The following USP50 variants were observed in gnomAD, a reference collection of about 807,000 sequenced individuals.
The protein encoded by USP50 is ubiquitin specific peptidase 50.
Under a neutral mutation model 39.2 loss-of-function variants are expected in USP50, and 37 were observed. The ratio of observed to expected loss-of-function variants is 0.94; its 90% CI spans 0.73 to 1.24. USP50 has a LOEUF of 1.24. USP50 is among the 50% of genes most tolerant of loss of function. The pLI is 0.00. For synonymous variants in USP50, 139 were observed against 144.5 expected, an observed-to-expected ratio of 0.96 and a Z score of 0.27; for missense variants, 374 against 398.2, an observed-to-expected ratio of 0.94 and a Z score of 0.52.
rs1044991436 is a variant in USP50, at chr15:50,536,690, A to G, written c.803+2019T>C. Among the ~76,000 whole-genome samples the G allele has an allele frequency of 2.6e-5, 4 of 152,272 alleles. No homozygotes were observed. The East Asian group carries it at 5.8e-4, about 22-fold the overall frequency. ...ATGAATTAAAAAAAAACACAATACC[A>G]TTCACATTAGCACCCTCAAAAATGA... On this transcript the variant is annotated intron_variant, in intron 5 of 6. Transcript: ENST00000532404.
chr15:50,529,675 G>T, intron 6 of USP50, 122 bp downstream of exon 6: 2 of 1,077,076 alleles, frequency 1.9e-6, no homozygotes, highest in African/African-American at 1.6e-5. Flanking sequence ...AGAGTTTCCT[G>T]GTCTATATTT....
rs779487072 is a variant in USP50, at chr15:50,543,811, A to T, written c.249-18T>A. On this transcript the variant is annotated intron_variant, in intron 2 of 6. Coordinates refer to ENST00000532404, the MANE Select transcript of USP50 (RefSeq NM_203494.5). Reference sequence around the variant, plus strand: ...TGCAATCGCTTGGAAGAAGAAAGGGATATGTTTCTGGCTGATTTAATGAAA... The same window carrying T: ...TGCAATCGCTTGGAAGAAGAAAGGGTTATGTTTCTGGCTGATTTAATGAAA... The T allele has an allele frequency of 8.1e-6, 13 of 1,598,064 alleles. No homozygotes were observed. In the Admixed American group the frequency reaches 2.3e-4, roughly 28 times the overall value.
At chr15:50,494,396 A>C in intron 1 of USP50, 1 of 813,560 alleles carries the variant, frequency 1.2e-6, no homozygotes, top group Non-Finnish European at 1.9e-6. Flanking sequence ...GTTTATTCAA[A>C]TAGTGACTGT....
intron 6 of USP50, chr15:50,507,358 C>G (rs1459630958): frequency 6.6e-6 from 1 of 152,206 alleles, no homozygotes; most frequent in African/African-American, 2.4e-5. Context: ...AGGTGTATTT[C>G]CCTTGAGCAT....
At position 50,522,207 on chromosome 15, in the gene USP50, T is replaced by G. The variant is rs540676719; in HGVS notation, c.936+7590A>C. On this transcript the variant is annotated intron_variant, in intron 6 of 6. Coordinates refer to ENST00000532404, the MANE Select transcript of USP50 (RefSeq NM_203494.5). ...CTGGGAGGCCAAGTGGGTGGCTTGA[T>G]TGAGCCCAGGAGTTTAAGACCAGCC... Among the ~76,000 whole-genome samples, 49 of 151,088 alleles carry G rather than the reference T, an allele frequency of 3.2e-4. No homozygotes were observed. In the Middle Eastern group the frequency reaches 0.014, roughly 43 times the overall value.
At position 50,500,796 on chromosome 15, in the gene USP50, G is replaced by A; in HGVS notation, c.978C>T (p.Phe326=). ...GDLDGGHYTA[F]CKNSVTQA is the part of the protein sequence containing the mutation. Reference sequence around the variant, plus strand: ...AGGCCTGGGTGACTGAATTCTTGCAGAAAGCAGTGTAGTGGCCACCATCCA... The same window carrying A: ...AGGCCTGGGTGACTGAATTCTTGCAAAAAGCAGTGTAGTGGCCACCATCCA... Residue 326 remains phenylalanine (F), a synonymous_variant, in exon 7 of 7, where the codon TTC becomes TTT. Transcript: ENST00000532404. 2 of 1,590,686 alleles carry A rather than the reference G, an allele frequency of 1.3e-6. No homozygotes were observed. Among genetic ancestry groups the A allele is most frequent in the South Asian group, 2.3e-5 (2 of 86,986 alleles).
At chr15:50,495,353 CAT>C (rs55666551) in intron 1 of USP50, among the ~76,000 whole-genome samples, 15,770 of 94,660 alleles carry the variant, frequency 0.17, 1,619 homozygotes, top group East Asian at 0.47. Flanking sequence ...TACATATATA[CAT>C]ATATAGAGAG....
At chr15:50,510,277 G>A (rs1396438967) in intron 6 of USP50, 1 of 152,154 alleles carries the variant, frequency 6.6e-6, no homozygotes, top group Non-Finnish European at 1.5e-5. Context: ...ATGTTTGGAA[G>A]ATATGTAGGT....
chr15:50,495,887 C>T, downstream of USP50: 1 of 1,613,602 alleles, frequency 6.2e-7, no homozygotes, highest in South Asian at 1.1e-5. Flanking sequence ...AAATAATGAT[C>T]ATCTCGATGA....
chr15:50,526,319 C>A (rs2052898323), intron 6 of USP50, among the ~76,000 whole-genome samples: 1 of 152,130 alleles, frequency 6.6e-6, no homozygotes, highest in Non-Finnish European at 1.5e-5. Flanking sequence ...CTCAGCCTCC[C>A]AAAGTGCTGG....
chr15:50,518,463 G>A (rs10152881), intron 6 of USP50, among the ~76,000 whole-genome samples: 1,962 of 151,666 alleles, frequency 0.013, 26 homozygotes, highest in African/African-American at 0.041. Context: ...CGCCCACCTC[G>A]GCCTCCCAAA....
chr15:50,495,834 C>T (rs373631699), downstream of USP50: 2 of 1,587,208 alleles, frequency 1.3e-6, no homozygotes, highest in Admixed American at 1.7e-5. Context: ...GAGCTTAAAT[C>T]ATTTTATTTC....
intron 6 of USP50, among the ~76,000 whole-genome samples, chr15:50,521,175 G>A (rs2052847456): frequency 6.6e-6 from 1 of 152,100 alleles, no homozygotes; most frequent in Non-Finnish European, 1.5e-5. Flanking sequence ...CCGAGTAGCT[G>A]GGATTACAGG....
intron 6 of USP50, among the ~76,000 whole-genome samples, chr15:50,517,707 A>G (rs992613013): frequency 6.6e-5 from 10 of 152,160 alleles, no homozygotes; most frequent in Non-Finnish European, 8.8e-5. Flanking sequence ...GATATGCAGC[A>G]AAAGCAGTTT....
chr15:50,544,546 G>A (rs1290772304), intron 2 of USP50, 41 bp downstream of exon 2: 3 of 1,565,840 alleles, frequency 1.9e-6, no homozygotes, highest in Admixed American at 1.8e-5. Context: ...GTGGGGAAGT[G>A]GGGGTGGGGG....
rs1004521188 is a variant in USP50 at position 50,529,793 on chromosome 15, T to G, written c.936+4A>C. 3.1e-6 allele frequency: 5 copies of G among 1,609,440 alleles called. No homozygotes were observed. Among genetic ancestry groups the G allele is most frequent in the Non-Finnish European group, 8.5e-7 (1 of 1,178,760 alleles). ...ATTACTTTTAACAGTTTGTTTTTAC[T>G]CACCACCACTGCACAGAGGTTGTAT... On this transcript the variant is annotated splice_donor_region_variant and intron_variant, in intron 6 of 6. Coordinates refer to ENST00000532404, the MANE Select transcript of USP50 (RefSeq NM_203494.5).
chr15:50,506,987 A>AAAAAAAAAAAAAAAAAC, intron 6 of USP50: 1 of 137,490 alleles, frequency 7.3e-6, no homozygotes, highest in African/African-American at 2.9e-5. Context: ...AAAAAAAAAA[A>AAAAAAAAAAAAAAAAAC]AAATCCAGTT....
At chr15:50,514,696 T>C (rs2141356913) in intron 6 of USP50, among the ~76,000 whole-genome samples, 1 of 151,750 alleles carries the variant, frequency 6.6e-6, no homozygotes, top group South Asian at 2.1e-4. Flanking sequence ...ACCCAGCTAA[T>C]TTTTTTTATT....
At chr15:50,511,291 T>G (rs2052736782) in intron 6 of USP50, 1 of 152,130 alleles carries the variant, frequency 6.6e-6, no homozygotes. Flanking sequence ...GTTGAGGATG[T>G]GGGGAAACTG....
Sources: gnomAD v4.1 joint callset for allele counts (sites outside exome capture counted in the v4.1 genomes callset) on GRCh38, gnomAD v4.1.1 for gene constraint, MANE v1.5 for transcripts, NCBI Gene and HGNC (gene_info 2026-07-23, HGNC 2026-07-21) for gene names.